The following SHOC2 variants were observed in gnomAD, a reference collection of about 807,000 sequenced individuals.
SHOC2 encodes leucine-rich repeat protein SHOC-2.
A neutral mutation model predicts 50.2 loss-of-function variants in SHOC2; 4 were observed. The ratio of observed to expected loss-of-function variants is 0.08; its 90% CI spans 0.04 to 0.18. The LOEUF is 0.18. Among genes scored for constraint, SHOC2 ranks in the 10% least tolerant of loss-of-function variants. The pLI, the probability that SHOC2 is intolerant of heterozygous loss-of-function variation, is 1.00. For missense variants in SHOC2, 388 were observed against 669.6 expected (o/e 0.58, Z 4.64); for synonymous variants, 218 against 244.5 (o/e 0.89, Z 1.01).
At chr10:110,998,269 G>A (rs1206518641) in intron 3 of SHOC2, among the ~76,000 whole-genome samples, 1 of 152,120 alleles carries the variant, frequency 6.6e-6, no homozygotes, top group Non-Finnish European at 1.5e-5. Context: ...AAAGTGCTGG[G>A]ATTACAGGTG....
At chr10:110,948,352 AG>A (rs1221542824) in intron 1 of SHOC2, among the ~76,000 whole-genome samples, 5 of 152,036 alleles carry the variant, frequency 3.3e-5, no homozygotes, top group Non-Finnish European at 7.4e-5. Flanking sequence ...AAATCAATAA[AG>A]AAATAACAGA....
chr10:110,931,089 TC>T (rs955029708), intron 1 of SHOC2, among the ~76,000 whole-genome samples: 2 of 152,138 alleles, frequency 1.3e-5, no homozygotes, highest in East Asian at 3.8e-4. Context: ...CCTAAAAAAC[TC>T]CCATTTGCTG....
At chr10:110,976,586 A>C (rs1319796939) in intron 2 of SHOC2, among the ~76,000 whole-genome samples, 1 of 152,188 alleles carries the variant, frequency 6.6e-6, no homozygotes, top group African/African-American at 2.4e-5. Flanking sequence ...TGTTGGGATT[A>C]AGGGTATGAG....
At chr10:111,007,480 G>T (rs191571574) in intron 5 of SHOC2, 51 bp from the exon 6 acceptor site, 4 of 1,602,870 alleles carry the variant, frequency 2.5e-6, no homozygotes, top group East Asian at 2.2e-5. Flanking sequence ...GGTATATATA[G>T]AACTTTGTTT....
At chr10:110,919,996 G>T in intron 1 of SHOC2, 1 of 148,014 alleles carries the variant, frequency 6.8e-6, no homozygotes, top group South Asian at 1.8e-4. Context: ...GCGCCTGGGC[G>T]ACGGCGAGCC....
chr10:110,965,166 A>T (rs543695584), intron 2 of SHOC2, 105 bp downstream of exon 2: 10 of 953,834 alleles, frequency 1.0e-5, no homozygotes, highest in African/African-American at 9.9e-5. Flanking sequence ...AAAACAGCTT[A>T]TTTCTAAATT....
intron 3 of SHOC2, among the ~76,000 whole-genome samples, chr10:110,990,625 G>A (rs2134156302): frequency 6.6e-6 from 1 of 152,186 alleles, no homozygotes; most frequent in East Asian, 1.9e-4. Flanking sequence ...GCAGGACGTG[G>A]GTGGGGCCAG....
intron 1 of SHOC2, among the ~76,000 whole-genome samples, chr10:110,928,003 G>A (rs1045346482): frequency 6.6e-6 from 1 of 152,120 alleles, no homozygotes; most frequent in African/African-American, 2.4e-5. Context: ...AAAGCTTTTA[G>A]TGAAAATAGT....
chr10:110,994,407 T>G (rs1680375777), intron 3 of SHOC2, among the ~76,000 whole-genome samples: 1 of 152,192 alleles, frequency 6.6e-6, no homozygotes, highest in African/African-American at 2.4e-5. Flanking sequence ...ATTTTAAATA[T>G]CTATATCATC....
At chr10:110,933,080 T>C (rs938630555) in intron 1 of SHOC2, among the ~76,000 whole-genome samples, 2 of 152,310 alleles carry the variant, frequency 1.3e-5, no homozygotes, top group Non-Finnish European at 1.5e-5. Flanking sequence ...AATCATAGAC[T>C]AAATGATCTC....
chr10:111,006,501 G>A (rs1444020310), intron 5 of SHOC2, among the ~76,000 whole-genome samples: 1 of 151,602 alleles, frequency 6.6e-6, no homozygotes, highest in Non-Finnish European at 1.5e-5. Flanking sequence ...CTCCCAAGTA[G>A]CTGGGACTAC....
rs780861306 is a variant in SHOC2, at chr10:110,937,119, T to G, written c.-235+17462T>G. 3 of 1,466,808 alleles carry G rather than the reference T, an allele frequency of 2.0e-6. No homozygotes were observed. In the Admixed American group the frequency reaches 5.0e-5, roughly 25 times the overall value. The allele number at this position is 1,466,808 out of a possible 1,614,324, so 90.9% of individuals were successfully genotyped here. A position where few individuals can be genotyped will look rare whatever the true frequency, so the allele number is the denominator to read the frequency against. ...AAATTGCCAGAAATGTTGATGCCTT[T>G]GCAGCGTACGACCACCACCTTCCGG... On this transcript the variant is annotated intron_variant, in intron 1 of 8. Transcript: ENST00000369452.
chr10:110,977,461 T>G (rs1251548877), intron 2 of SHOC2, among the ~76,000 whole-genome samples: 4 of 152,164 alleles, frequency 2.6e-5, no homozygotes, highest in Non-Finnish European at 2.9e-5. Flanking sequence ...GTCAGGCTGG[T>G]CTCAAACTCC....
intron 1 of SHOC2, among the ~76,000 whole-genome samples, chr10:110,932,100 T>TA (rs1383685896): frequency 1.3e-5 from 2 of 152,136 alleles, no homozygotes; most frequent in Non-Finnish European, 2.9e-5. Context: ...CAGTGAAGAA[T>TA]TGTAAATCTG....
At chr10:110,951,377 G>A (rs1485938342) in intron 1 of SHOC2, among the ~76,000 whole-genome samples, 1 of 152,080 alleles carries the variant, frequency 6.6e-6, no homozygotes. Flanking sequence ...TCCAAAAGAC[G>A]ATAATAAGAC....
chr10:110,919,378 A>G (rs919295092), upstream of SHOC2: 2 of 385,018 alleles, frequency 5.2e-6, no homozygotes, highest in East Asian at 7.4e-5. Flanking sequence ...AGGAAAGGAC[A>G]AGGGCGGAGA....
At chr10:110,966,862 G>A (rs1847685119) in intron 2 of SHOC2, among the ~76,000 whole-genome samples, 1 of 152,074 alleles carries the variant, frequency 6.6e-6, no homozygotes, top group African/African-American at 2.4e-5. Context: ...TGTAAAAATG[G>A]TAATATCATA....
rs1322495776 is a variant in SHOC2, at chr10:110,964,143, G to A, written c.-216G>A. 3.3e-6 allele frequency: 2 copies of A among 610,212 alleles called. No homozygotes were observed. Among genetic ancestry groups the A allele is most frequent in the Non-Finnish European group, 5.6e-6 (2 of 358,552 alleles). The allele number at this position is 610,212 out of a possible 1,614,324, so 37.8% of individuals were successfully genotyped here. On this transcript the variant is annotated 5_prime_UTR_variant, in exon 2 of 9. An upstream open reading frame in the 5' UTR loses its in-frame stop. Transcript: ENST00000369452. The surrounding 1 kb of genome is among the most constrained non-coding windows in gnomAD (Gnocchi z 4.9). ...ATTTCAGGAACTCTAATGAATCATT[G>A]ATTGACCAGCACTATTTTACCAGTT...
chr10:110,985,820 T>C, intron 3 of SHOC2, 55 bp downstream of exon 3: 3 of 1,429,984 alleles, frequency 2.1e-6, no homozygotes, highest in Non-Finnish European at 3.0e-6. Context: ...TGGATATTAA[T>C]AGGACTATTT....
Sources: allele counts gnomAD v4.1 joint callset (sites outside exome capture counted in the v4.1 genomes callset), GRCh38; gene constraint gnomAD v4.1.1; non-coding constraint Gnocchi (gnomAD v3.1); transcripts MANE v1.5; gene names NCBI Gene and HGNC (gene_info 2026-07-23, HGNC 2026-07-21).